The following CTNNA1 variants were observed in gnomAD, a reference collection of about 807,000 sequenced individuals.
CTNNA1 encodes catenin alpha-1.
A neutral mutation model predicts 98.4 loss-of-function variants in CTNNA1; 37 were observed. The observed-to-expected ratio is 0.38, with a 90% CI of 0.29 to 0.49. The LOEUF (loss-of-function observed/expected upper bound fraction) is 0.49. CTNNA1 is among the 20% of genes least tolerant of loss of function. The pLI is 0.95. For synonymous variants in CTNNA1, 404 were observed against 413.2 expected (o/e 0.98, Z 0.27); for missense variants, 761 against 1,147.2 (o/e 0.66, Z 4.86).
intron 3 of CTNNA1, among the ~76,000 whole-genome samples, chr5:138,806,275 A>T (rs773163716): frequency 6.6e-6 from 1 of 150,388 alleles, no homozygotes; most frequent in Non-Finnish European, 1.5e-5. Context: ...TGTTTTTGAC[A>T]GTCTTGGTTC....
chr5:138,790,685 A>G (rs1756254337), intron 3 of CTNNA1, among the ~76,000 whole-genome samples: 1 of 152,206 alleles, frequency 6.6e-6, no homozygotes, highest in South Asian at 2.1e-4. Flanking sequence ...CAGAGGTTAA[A>G]TTACCTTGGA....
chr5:138,822,030 T>C (rs1406855993), intron 5 of CTNNA1, among the ~76,000 whole-genome samples: 1 of 152,230 alleles, frequency 6.6e-6, no homozygotes, highest in Non-Finnish European at 1.5e-5. Context: ...AAGAACACTT[T>C]AGCAGTCAGG....
In CTNNA1 at chr5:138,930,732, C is replaced by CA. The variant is rs1436701749; in HGVS notation, c.2192+79dup. ...CAGGTCACCTGCGCAGCGGCTCAGACAGCCCAGGCCATGGGGCTTTGTGGA... is the reference window on the plus strand; with the variant it reads ...CAGGTCACCTGCGCAGCGGCTCAGACAAGCCCAGGCCATGGGGCTTTGTGGA... On this transcript the variant is annotated intron_variant, in intron 15 of 17. Coordinates refer to ENST00000302763, the MANE Select transcript of CTNNA1 (RefSeq NM_001903.5). 54 of 1,551,222 alleles carry CA rather than the reference C, an allele frequency of 3.5e-5. No individual in the cohort carries two copies. The African/African-American group carries it at 7.2e-4, about 21-fold the overall frequency.
At position 138,824,592 on chromosome 5, in the gene CTNNA1, C is replaced by T. The variant is rs765015576; in HGVS notation, c.651C>T (p.Asn217=). 36 of 1,614,098 alleles carry T rather than the reference C, an allele frequency of 2.2e-5. 1 individual carries two copies. Among genetic ancestry groups the T allele is most frequent in the South Asian group, 1.6e-4 (15 of 91,092 alleles). Residue 217 remains asparagine, a synonymous_variant, in exon 6 of 18, where the codon AAC becomes AAT. Transcript: ENST00000302763. ...MAAARGILQK[N]VPILYTASQA... ...CAGCTAGAGGAATCCTGCAGAAGAA[C>T]GTTCCGATCCTCTATACTGCATCCC...
chr5:138,933,409 A>G (rs978293927), intron 17 of CTNNA1, among the ~76,000 whole-genome samples: 7 of 152,082 alleles, frequency 4.6e-5, no homozygotes, highest in Non-Finnish European at 1.0e-4. Flanking sequence ...CTTATATTGA[A>G]CATATTGAGA....
chr5:138,808,041 G>A (rs953690928), intron 3 of CTNNA1, among the ~76,000 whole-genome samples: 2 of 152,070 alleles, frequency 1.3e-5, no homozygotes, highest in Non-Finnish European at 2.9e-5. Flanking sequence ...GTGAACTACC[G>A]TGCCCAGCCT....
At chr5:138,865,819 CAT>C (rs1764700007) in intron 7 of CTNNA1, among the ~76,000 whole-genome samples, 1 of 152,110 alleles carries the variant, frequency 6.6e-6, no homozygotes, top group South Asian at 2.1e-4. Flanking sequence ...CTATTCTGTA[CAT>C]AGTTTTATTC....
intron 5 of CTNNA1, among the ~76,000 whole-genome samples, chr5:138,818,808 A>T (rs1312487203): frequency 1.3e-5 from 2 of 152,138 alleles, no homozygotes; most frequent in Non-Finnish European, 2.9e-5. Context: ...ACGAGCAGCT[A>T]CTGTGGCACT....
intron 7 of CTNNA1, among the ~76,000 whole-genome samples, chr5:138,878,753 G>A (rs1188732048): frequency 6.6e-6 from 1 of 152,202 alleles, no homozygotes; most frequent in African/African-American, 2.4e-5. Context: ...AGGGAGGGTA[G>A]AGAGGGAGCT....
intron 9 of CTNNA1, among the ~76,000 whole-genome samples, chr5:138,893,128 C>T (rs1235228443): frequency 6.6e-6 from 1 of 152,184 alleles, no homozygotes; most frequent in Non-Finnish European, 1.5e-5. Context: ...TTTGTCCCAG[C>T]TCTCCTCTGA....
intron 9 of CTNNA1, among the ~76,000 whole-genome samples, chr5:138,898,245 C>G (rs1757321692): frequency 7.1e-6 from 1 of 140,402 alleles, no homozygotes; most frequent in South Asian, 2.3e-4. Context: ...TGGAAATTTC[C>G]TGAGGCCTCC....
intron 3 of CTNNA1, among the ~76,000 whole-genome samples, chr5:138,797,852 A>C (rs1376402513): frequency 6.7e-6 from 1 of 150,336 alleles, no homozygotes; most frequent in Non-Finnish European, 1.5e-5. Flanking sequence ...CTTCTTTAAA[A>C]CAAAATGAAA....
At chr5:138,768,558 G>GTTTTTTT (rs36038829) in intron 1 of CTNNA1, among the ~76,000 whole-genome samples, 6 of 67,604 alleles carry the variant, frequency 8.9e-5, no homozygotes, top group Admixed American at 2.0e-4. Context: ...AACGGTGTCT[G>GTTTTTTT]TTTTTTTTTT....
chr5:138,837,376 T>C (rs1761877985), intron 7 of CTNNA1, among the ~76,000 whole-genome samples: 1 of 152,078 alleles, frequency 6.6e-6, no homozygotes, highest in Non-Finnish European at 1.5e-5. Flanking sequence ...AAATAAAGTT[T>C]TATTGGAACA....
chr5:138,809,319 A>C (rs1758431185), intron 3 of CTNNA1, among the ~76,000 whole-genome samples: 1 of 152,226 alleles, frequency 6.6e-6, no homozygotes, highest in Admixed American at 6.5e-5. Context: ...TGTGTAACCC[A>C]ATGATAACTA....
At chr5:138,844,839 G>A (rs1762572951) in intron 7 of CTNNA1, among the ~76,000 whole-genome samples, 1 of 152,090 alleles carries the variant, frequency 6.6e-6, no homozygotes, top group African/African-American at 2.4e-5. Context: ...AGTGGGCTAA[G>A]GTTAAAACAA....
intron 1 of CTNNA1, among the ~76,000 whole-genome samples, chr5:138,776,896 G>A (rs1754322874): frequency 7.3e-6 from 1 of 137,122 alleles, no homozygotes; most frequent in African/African-American, 2.7e-5. Context: ...GGCCGGGCAG[G>A]GGGCTGACCC....
intron 11 of CTNNA1, among the ~76,000 whole-genome samples, chr5:138,924,287 T>TG (rs1554113598): frequency 2.2e-5 from 3 of 137,828 alleles, no homozygotes; most frequent in African/African-American, 8.0e-5. Flanking sequence ...TTTTTGTTTT[T>TG]TTTTTTTTAA....
At chr5:138,924,763 C>A in intron 12 of CTNNA1, 53 bp downstream of exon 12, 2 of 1,460,638 alleles carry the variant, frequency 1.4e-6, no homozygotes, top group Non-Finnish European at 1.9e-6. Context: ...CTCAGTGAGG[C>A]AGGCCACCCC....
Sources: gnomAD v4.1 joint callset for allele counts (sites outside exome capture counted in the v4.1 genomes callset) on GRCh38, gnomAD v4.1.1 for gene constraint, MANE v1.5 for transcripts, NCBI Gene and HGNC (gene_info 2026-07-23, HGNC 2026-07-21) for gene names.